Variants in MAJIN observed in about 807,000 individuals in gnomAD.
The protein encoded by MAJIN is membrane anchored junction protein.
MAJIN carries 27 observed loss-of-function variants against 30.2 expected under a neutral mutation model. That is an observed-to-expected ratio of 0.89 (90% CI 0.66 to 1.23). MAJIN has a LOEUF of 1.23. MAJIN is among the 50% of genes most tolerant of loss of function. MAJIN has a pLI of 0.00. For synonymous variants in MAJIN, 78 were observed against 91.6 expected, an observed-to-expected ratio of 0.85 and a Z score of 0.85; for missense variants, 253 against 260.3, an observed-to-expected ratio of 0.97 and a Z score of 0.19.
intron 6 of MAJIN, 37 bp from the exon 7 acceptor site, chr11:64,947,856 GA>G: frequency 7.8e-7 from 1 of 1,276,428 alleles, no homozygotes; most frequent in Admixed American, 1.9e-5. Context: ...ATAGATTTAA[GA>G]CTTTTTTTTT....
chr11:64,956,663 G>C (rs940776789), intron 3 of MAJIN, among the ~76,000 whole-genome samples: 1 of 144,042 alleles, frequency 6.9e-6, no homozygotes, highest in Non-Finnish European at 1.5e-5. Context: ...CCCAAACTAC[G>C]ATTTGTCCAG....
In MAJIN at chr11:64,949,790, A is replaced by G. The variant is rs1216551595; in HGVS notation, c.302T>C (p.Phe101Ser). ...CCATTTCATCTCCACATATAGAGTAAAAACAAATGGGTAGGGGATCAAGAT... is the reference window on the plus strand; with the variant it reads ...CCATTTCATCTCCACATATAGAGTAGAAACAAATGGGTAGGGGATCAAGAT... The part of the protein sequence containing the change: ...EIILIPYPFV[F>S]TLYVEMKWFH... Residue 101 changes from phenylalanine to serine, a missense_variant, in exon 6 of 11, where the codon TTT (phenylalanine) becomes TCT (serine). Phe to Ser is a radical substitution (Grantham distance 155). Coordinates refer to ENST00000301896, the MANE Select transcript of MAJIN (RefSeq NM_001037225.3). 4 of 1,612,696 alleles carry G rather than the reference A, an allele frequency of 2.5e-6. No individual in the cohort carries two copies. In the East Asian group the frequency reaches 6.7e-5, roughly 27 times the overall value.
chr11:64,955,396 C>T (rs576056807), intron 3 of MAJIN, among the ~76,000 whole-genome samples: 11 of 152,174 alleles, frequency 7.2e-5, no homozygotes, highest in Non-Finnish European at 1.2e-4. Flanking sequence ...TGATAAAACA[C>T]GAAGTATGCA....
At chr11:64,938,741 A>G (rs1030638200) in intron 10 of MAJIN, among the ~76,000 whole-genome samples, 168 bp from the exon 11 acceptor site, 5 of 152,170 alleles carry the variant, frequency 3.3e-5, no homozygotes, top group Non-Finnish European at 7.4e-5. Context: ...GATTATACTC[A>G]GGAGGGGGAA....
chr11:64,963,558 C>T (rs1945760018), intron 1 of MAJIN, among the ~76,000 whole-genome samples: 1 of 152,178 alleles, frequency 6.6e-6, no homozygotes, highest in African/African-American at 2.4e-5. Flanking sequence ...ATTGACTGGG[C>T]TGGGCGCAGT....
intron 4 of MAJIN, 159 bp downstream of exon 4, chr11:64,954,598 T>G: frequency 1.3e-6 from 1 of 745,808 alleles, no homozygotes; most frequent in Non-Finnish European, 2.4e-6. Flanking sequence ...TAAATTCCCA[T>G]GGAAAAACAT....
chr11:64,958,924 C>A (rs1038968660), intron 3 of MAJIN, among the ~76,000 whole-genome samples: 1 of 151,874 alleles, frequency 6.6e-6, no homozygotes, highest in East Asian at 1.9e-4. Context: ...TATGCCCAGC[C>A]CTGAGATGTA....
At chr11:64,940,689 AC>A (rs1206310585) in intron 8 of MAJIN, 43 bp from the exon 9 acceptor site, 1 of 1,552,220 alleles carries the variant, frequency 6.4e-7, no homozygotes, top group Admixed American at 1.7e-5. Context: ...CTTTCCTCCT[AC>A]ACTGCATGGC....
At chr11:64,969,945 GTCTGTA>G (rs1227365959) in intron 1 of MAJIN, among the ~76,000 whole-genome samples, 2 of 152,156 alleles carry the variant, frequency 1.3e-5, no homozygotes, top group African/African-American at 4.8e-5. Context: ...AAGATGTTGA[GTCTGTA>G]TCTGGAGATG....
intron 8 of MAJIN, 43 bp downstream of exon 8, chr11:64,947,331 T>A: frequency 6.5e-7 from 1 of 1,539,086 alleles, no homozygotes; most frequent in Non-Finnish European, 8.8e-7. Context: ...TGGCAAAGCC[T>A]AACTAGGACG....
At chr11:64,947,087 T>G (rs190951039) in intron 8 of MAJIN, among the ~76,000 whole-genome samples, 1 of 152,350 alleles carries the variant, frequency 6.6e-6, no homozygotes, top group Admixed American at 6.5e-5. Flanking sequence ...ATTAACATAG[T>G]AAGTATTATT....
chr11:64,943,403 A>C (rs557462477), intron 8 of MAJIN, among the ~76,000 whole-genome samples: 27 of 152,308 alleles, frequency 1.8e-4, no homozygotes, highest in African/African-American at 6.3e-4. Flanking sequence ...ATATTCTTCT[A>C]AGCTTTCGCC....
At chr11:64,968,942 C>G (rs980365516) in intron 1 of MAJIN, among the ~76,000 whole-genome samples, 4 of 152,044 alleles carry the variant, frequency 2.6e-5, no homozygotes, top group Admixed American at 6.6e-5. Flanking sequence ...ATAGGGAGAC[C>G]AGTTAAGAAG....
At chr11:64,945,679 G>A (rs1020498646) in intron 8 of MAJIN, among the ~76,000 whole-genome samples, 1 of 151,912 alleles carries the variant, frequency 6.6e-6, no homozygotes, top group Non-Finnish European at 1.5e-5. Flanking sequence ...GGGATTACAG[G>A]TGCCCACCAC....
At chr11:64,949,362 T>C (rs1945512861) in intron 6 of MAJIN, among the ~76,000 whole-genome samples, 1 of 152,040 alleles carries the variant, frequency 6.6e-6, no homozygotes, top group African/African-American at 2.4e-5. Flanking sequence ...ACCTTTAAGA[T>C]AGCTCTAAAG....
intron 1 of MAJIN, among the ~76,000 whole-genome samples, chr11:64,963,288 T>C (rs1945755917): frequency 6.6e-6 from 1 of 152,230 alleles, no homozygotes; most frequent in Non-Finnish European, 1.5e-5. Flanking sequence ...AAGAATTAGA[T>C]GTAAATGACA....
chr11:64,947,394 G>C lies in MAJIN; in HGVS notation c.453C>G (p.Pro151=). The C allele has an allele frequency of 2.5e-6, 4 of 1,613,440 alleles. No homozygotes were observed. Among genetic ancestry groups the C allele is most frequent in the Non-Finnish European group, 3.4e-6 (4 of 1,179,994 alleles). ...CTGACCTGTCCAGCCCTGGCCTGCTGGGGGAGCTGGGCTCGTCCATGTGTT... is the reference window on the plus strand; with the variant it reads ...CTGACCTGTCCAGCCCTGGCCTGCTCGGGGAGCTGGGCTCGTCCATGTGTT... The part of the protein sequence containing the change: ...KRKHMDEPSS[P]SRPGLDRIGK... Residue 151 remains proline, a synonymous_variant, in exon 8 of 11, where the codon CCC becomes CCG. Transcript: ENST00000301896.
chr11:64,942,219 G>C (rs1945389661), intron 8 of MAJIN, among the ~76,000 whole-genome samples: 1 of 152,086 alleles, frequency 6.6e-6, no homozygotes, highest in South Asian at 2.1e-4. Context: ...TGCTGGTGAA[G>C]AGTTCTTTTT....
chr11:64,949,760 T>C lies in MAJIN; in HGVS notation c.332A>G (p.His111Arg), dbSNP rs1342675306. 1.9e-6 allele frequency: 3 copies of C among 1,613,042 alleles called. No individual in the cohort carries two copies. Among genetic ancestry groups the C allele is most frequent in the Admixed American group, 1.7e-5 (1 of 59,992 alleles). The change falls in exon 6 of 11, where the codon CAT becomes CGT. Residue 111 changes from histidine (H) to arginine (R), a missense_variant. By Grantham distance (29) the His-to-Arg change is conservative. Transcript: ENST00000301896. ...CCACTTACCAGGTGACAGGTTTTCA[T>C]GGAACCATTTCATCTCCACATATAG... Reference protein sequence around the residue: ...FTLYVEMKWFHENLSPGKPIS... With the variant: ...FTLYVEMKWFRENLSPGKPIS...
Sources: gnomAD v4.1 joint callset for allele counts (sites outside exome capture counted in the v4.1 genomes callset) on GRCh38, gnomAD v4.1.1 for gene constraint, MANE v1.5 for transcripts, NCBI Gene and HGNC (gene_info 2026-07-23, HGNC 2026-07-21) for gene names.